The following CNTN6 variants were observed in gnomAD, a reference collection of about 807,000 sequenced individuals.
The protein encoded by CNTN6 is contactin 6.
In CNTN6, 137 loss-of-function variants were observed where a neutral mutation model predicts 122.8. That is an observed-to-expected ratio of 1.12 (90% CI 0.97 to 1.29). CNTN6 has a LOEUF of 1.29. Among genes scored for constraint, CNTN6 ranks in the 50% most tolerant of loss-of-function variants. The pLI is 0.00. For synonymous variants in CNTN6, 570 were observed against 426.0 expected (o/e 1.34, Z -4.16); for missense variants, 1,634 against 1,223.4 (o/e 1.34, Z -5.01).
chr3:1,187,592 T>C (rs940586066), intron 2 of CNTN6, among the ~76,000 whole-genome samples: 14 of 152,134 alleles, frequency 9.2e-5, no homozygotes, highest in South Asian at 2.1e-4. Flanking sequence ...ACAGTTTTCA[T>C]AGGGAGGCTG....
At position 1,365,755 on chromosome 3, in the gene CNTN6, A is replaced by T. The variant is rs1361736532; in HGVS notation, c.1493-6544A>T. Among the ~76,000 whole-genome samples the T allele has an allele frequency of 2.0e-5, 3 of 152,126 alleles. No homozygotes were observed. In the South Asian group the frequency reaches 6.2e-4, roughly 31 times the overall value. ...GAATTCCTTTCATTTAGGAATTCTCAGAGCTTTTAATATGTTAAAATGTTT... is the reference window on the plus strand; with the variant it reads ...GAATTCCTTTCATTTAGGAATTCTCTGAGCTTTTAATATGTTAAAATGTTT... On this transcript the variant is annotated intron_variant, in intron 12 of 22. Coordinates refer to ENST00000446702, the MANE Select transcript of CNTN6 (RefSeq NM_001289080.2).
chr3:1,097,499 A>G (rs913962444), intron 1 of CNTN6, among the ~76,000 whole-genome samples: 42 of 152,242 alleles, frequency 2.8e-4, no homozygotes, highest in African/African-American at 9.9e-4. Context: ...TAAAAAGCAA[A>G]TAGCAATTTC....
rs114736465 is a variant in CNTN6 at position 1,209,461 on chromosome 3, C to T, written c.56-11226C>T. The stretch of plus-strand genomic sequence containing the variant: ...GTAAGAGGCCACTGAGTGTCCAGTC[C>T]TTAGACACAGTCTAGCTTTGCATCT... On this transcript the variant is annotated intron_variant, in intron 2 of 22. Coordinates refer to ENST00000446702, the MANE Select transcript of CNTN6 (RefSeq NM_001289080.2). Among the ~76,000 whole-genome samples the T allele has an allele frequency of 8.4e-3, 1,284 of 152,222 alleles. 21 individuals are homozygous for T. Among genetic ancestry groups the T allele is most frequent in the African/African-American group, 0.029 (1,217 of 41,528 alleles).
chr3:1,300,232 C>T (rs913129099), intron 7 of CNTN6, among the ~76,000 whole-genome samples: 12 of 152,084 alleles, frequency 7.9e-5, no homozygotes, highest in South Asian at 6.2e-4. Context: ...GTGATCCGCC[C>T]GACTCAGCCT....
intron 1 of CNTN6, among the ~76,000 whole-genome samples, chr3:1,101,127 T>C (rs1338581434): frequency 6.6e-6 from 1 of 152,178 alleles, no homozygotes; most frequent in Non-Finnish European, 1.5e-5. Context: ...TGGCTTCAAA[T>C]TATATTACCA....
chr3:1,177,325 A>T (rs1476943009), intron 2 of CNTN6, among the ~76,000 whole-genome samples: 1 of 152,182 alleles, frequency 6.6e-6, no homozygotes, highest in Admixed American at 6.5e-5. Flanking sequence ...CTCAAGTGTG[A>T]TGTTGTTATG....
intron 1 of CNTN6, among the ~76,000 whole-genome samples, chr3:1,144,740 TG>T (rs886977955): frequency 7.9e-5 from 12 of 152,116 alleles, no homozygotes; most frequent in Non-Finnish European, 1.0e-4. Context: ...TCTACGGTAC[TG>T]GGTATGATTC....
At chr3:1,301,797 C>A (rs751743088) in intron 7 of CNTN6, among the ~76,000 whole-genome samples, 1 of 152,160 alleles carries the variant, frequency 6.6e-6, no homozygotes, top group Non-Finnish European at 1.5e-5. Context: ...AGATACATTT[C>A]TCATTTCTTC....
At chr3:1,359,832 T>G (rs10510208) in intron 12 of CNTN6, among the ~76,000 whole-genome samples, 29,944 of 152,072 alleles carry the variant, frequency 0.2, 3,348 homozygotes, top group Middle Eastern at 0.27. Context: ...TGCTTTTCTC[T>G]GTCCAAGGTT....
At chr3:1,346,757 C>T (rs1052620857) in intron 11 of CNTN6, among the ~76,000 whole-genome samples, 8 of 152,182 alleles carry the variant, frequency 5.3e-5, no homozygotes, top group African/African-American at 1.4e-4. Context: ...TAAAATATTC[C>T]GCATTAGTCT....
chr3:1,245,322 A>T (rs1488050163), intron 4 of CNTN6, among the ~76,000 whole-genome samples: 2 of 53,600 alleles, frequency 3.7e-5, no homozygotes, highest in African/African-American at 1.8e-4. Context: ...ATATATATAT[A>T]TATATATATA....
intron 4 of CNTN6, among the ~76,000 whole-genome samples, chr3:1,261,502 A>G (rs895822759): frequency 1.3e-5 from 2 of 150,976 alleles, no homozygotes; most frequent in African/African-American, 4.8e-5. Context: ...GTTAAGGATC[A>G]GTCCTCAGGA....
At chr3:1,093,956 C>T (rs2090380265) in intron 1 of CNTN6, among the ~76,000 whole-genome samples, 1 of 152,098 alleles carries the variant, frequency 6.6e-6, no homozygotes, top group Non-Finnish European at 1.5e-5. Context: ...TAATCAGCAT[C>T]CTGACTATGT....
chr3:1,193,841 A>T (rs561264749), intron 2 of CNTN6, among the ~76,000 whole-genome samples: 18 of 152,224 alleles, frequency 1.2e-4, no homozygotes, highest in African/African-American at 4.3e-4. Context: ...ATTTATAGTA[A>T]ATAAAATACA....
chr3:1,192,530 T>C (rs1020160755), intron 2 of CNTN6, among the ~76,000 whole-genome samples: 8 of 152,170 alleles, frequency 5.3e-5, no homozygotes, highest in South Asian at 4.1e-4. Flanking sequence ...CCTGTGCTCA[T>C]TGAGCTCCAT....
intron 4 of CNTN6, among the ~76,000 whole-genome samples, chr3:1,236,818 C>G (rs879405040): frequency 6.6e-6 from 1 of 152,126 alleles, no homozygotes; most frequent in Non-Finnish European, 1.5e-5. Context: ...CGGTGGCTCA[C>G]GCCTGTAATC....
chr3:1,235,906 A>G (rs948596719), intron 4 of CNTN6, among the ~76,000 whole-genome samples: 1 of 151,424 alleles, frequency 6.6e-6, no homozygotes, highest in Non-Finnish European at 1.5e-5. Flanking sequence ...TTTAGGACTC[A>G]CGCTGTGTGG....
chr3:1,270,447 A>G (rs1039221167), intron 4 of CNTN6, among the ~76,000 whole-genome samples: 5 of 152,130 alleles, frequency 3.3e-5, no homozygotes, highest in Non-Finnish European at 5.9e-5. Context: ...ACTTATGCAG[A>G]TTTGGGGATT....
At position 1,130,219 on chromosome 3, in the gene CNTN6, A is replaced by C. The variant is rs17028953; in HGVS notation, c.-82-17708A>C. On this transcript the variant is annotated intron_variant, in intron 1 of 22. Coordinates refer to ENST00000446702, the MANE Select transcript of CNTN6 (RefSeq NM_001289080.2). ...AAGGCCAATTTCTAACCCTATATCTAAAACATGGCAGGGGTTTAATCATTG... is the reference window on the plus strand; with the variant it reads ...AAGGCCAATTTCTAACCCTATATCTCAAACATGGCAGGGGTTTAATCATTG... 4.9e-3 allele frequency among the ~76,000 whole-genome samples: 743 copies of C among 152,196 alleles called. 9 individuals carry two copies. Among genetic ancestry groups the C allele is most frequent in the African/African-American group, 0.017 (718 of 41,548 alleles).
Sources: gnomAD v4.1 joint callset for allele counts (sites outside exome capture counted in the v4.1 genomes callset) on GRCh38, gnomAD v4.1.1 for gene constraint, MANE v1.5 for transcripts, NCBI Gene and HGNC (gene_info 2026-07-23, HGNC 2026-07-21) for gene names.